HNRNPM: variants seen among roughly 807,000 people sequenced by gnomAD.
The protein encoded by HNRNPM is CEA receptor.
In HNRNPM, 11 loss-of-function variants were observed where a neutral mutation model predicts 73.1. The observed-to-expected ratio is 0.15, with a 90% confidence interval of 0.09 to 0.25. HNRNPM has a LOEUF of 0.25. Among genes scored for constraint, HNRNPM ranks in the 10% least tolerant of loss-of-function variants. The pLI, the probability that HNRNPM is intolerant of heterozygous loss-of-function variation, is 1.00. For synonymous variants in HNRNPM, 407 were observed against 355.2 expected (o/e 1.15, Z -1.64); for missense variants, 789 against 1,067.9 (o/e 0.74, Z 3.64).
At chr19:8,456,449 G>C (rs1048491474) in intron 2 of HNRNPM, among the ~76,000 whole-genome samples, 2 of 152,206 alleles carry the variant, frequency 1.3e-5, no homozygotes, top group Admixed American at 1.3e-4. Flanking sequence ...AGAACAATTT[G>C]TATATTGCCT....
intron 10 of HNRNPM, among the ~76,000 whole-genome samples, chr19:8,473,460 A>T (rs923276708): frequency 3.1e-5 from 4 of 127,674 alleles, no homozygotes; most frequent in Non-Finnish European, 3.5e-5. Flanking sequence ...TACTGTGTTT[A>T]AAAAAAAAAA....
At chr19:8,475,302 T>C (rs1247898207) in intron 12 of HNRNPM, among the ~76,000 whole-genome samples, 1 of 152,190 alleles carries the variant, frequency 6.6e-6, no homozygotes, top group African/African-American at 2.4e-5. Context: ...GGCTGTAGAG[T>C]GTGCATGAGA....
intron 12 of HNRNPM, among the ~76,000 whole-genome samples, chr19:8,476,747 G>A (rs1201734928): frequency 6.6e-6 from 1 of 152,192 alleles, no homozygotes; most frequent in African/African-American, 2.4e-5. Context: ...GCTGATGCCA[G>A]CCTGTGGCAT....
intron 5 of HNRNPM, among the ~76,000 whole-genome samples, chr19:8,464,985 G>C (rs1472944758): frequency 6.6e-6 from 1 of 152,314 alleles, no homozygotes; most frequent in East Asian, 1.9e-4. Context: ...GTAAGATTCA[G>C]CTATACCAAG....
At chr19:8,458,759 G>A (rs1211203468) in intron 2 of HNRNPM, among the ~76,000 whole-genome samples, 1 of 152,198 alleles carries the variant, frequency 6.6e-6, no homozygotes, top group East Asian at 1.9e-4. Context: ...AATTGCATCT[G>A]ACAGAAAACT....
At chr19:8,469,179 G>C (rs1362174075) in intron 9 of HNRNPM, among the ~76,000 whole-genome samples, 1 of 152,204 alleles carries the variant, frequency 6.6e-6, no homozygotes. Flanking sequence ...ATGTGGGCTA[G>C]CAGTGCACAC....
At chr19:8,481,380 G>C (rs568285103) in intron 12 of HNRNPM, 1 of 153,138 alleles carries the variant, frequency 6.5e-6, no homozygotes, top group African/African-American at 2.4e-5. Flanking sequence ...GCAGGTGTGC[G>C]CAGATAGAGC....
intron 1 of HNRNPM, 197 bp downstream of exon 1, chr19:8,445,308 A>G (rs1968061047): frequency 4.6e-6 from 2 of 437,428 alleles, no homozygotes; most frequent in Non-Finnish European, 7.7e-6. Context: ...CGTCCCCTAC[A>G]CCGGGCCTCG....
At chr19:8,455,325 C>T in intron 1 of HNRNPM, 80 bp from the exon 2 acceptor site, 1 of 1,249,214 alleles carries the variant, frequency 8.0e-7, no homozygotes, top group East Asian at 2.3e-5. Context: ...GAATTGTAAA[C>T]CTGGCAAATC....
At chr19:8,477,621 C>T (rs1214620098) in intron 12 of HNRNPM, among the ~76,000 whole-genome samples, 1 of 145,392 alleles carries the variant, frequency 6.9e-6, no homozygotes, top group African/African-American at 2.7e-5. Flanking sequence ...CACTGCATTC[C>T]AGCTTGGGAG....
At chr19:8,449,077 A>G (rs1043471138) in intron 1 of HNRNPM, among the ~76,000 whole-genome samples, 2 of 152,204 alleles carry the variant, frequency 1.3e-5, no homozygotes, top group Admixed American at 1.3e-4. Context: ...TCTCTATACA[A>G]TGCATTTGAG....
chr19:8,452,938 T>C (rs1968731876), intron 1 of HNRNPM, among the ~76,000 whole-genome samples: 2 of 152,114 alleles, frequency 1.3e-5, no homozygotes, highest in Admixed American at 6.5e-5. Flanking sequence ...CCTCCTGGAC[T>C]GGAGCCATCC....
At chr19:8,481,139 C>A (rs1327244795) in intron 12 of HNRNPM, among the ~76,000 whole-genome samples, 7 of 152,210 alleles carry the variant, frequency 4.6e-5, no homozygotes. Flanking sequence ...TAGATCTTTG[C>A]ACTCCTTTGT....
Position 8,486,261 on chromosome 19 carries a change from G to C in HNRNPM, c.1833G>C (p.Met611Ile). Residue 611 changes from methionine (M) to isoleucine (I), a missense_variant, in exon 14 of 16, where the codon ATG (methionine) becomes ATC (isoleucine). Around this residue, in one of 4 missense-constraint regions of HNRNPM, gnomAD observed 604 missense variants for 744.0 expected, o/e 0.81. Coordinates refer to ENST00000325495, the MANE Select transcript of HNRNPM (RefSeq NM_005968.5). ...GCATTGAGCGCATGGGCCTGGCCAT[G>C]GGTGGCGGTGGCGGTGCCAGCTTTG... ...GAGIERMGLA[M>I]GGGGGASFDR... is the part of the protein sequence containing the mutation. 1 of 1,602,580 alleles carries C rather than the reference G, an allele frequency of 6.2e-7. No homozygotes were observed. The highest frequency in any genetic ancestry group is 8.5e-7 in the Non-Finnish European group (1 of 1,179,816).
chr19:8,455,372 C>A, intron 1 of HNRNPM, 33 bp from the exon 2 acceptor site: 2 of 1,576,554 alleles, frequency 1.3e-6, no homozygotes, highest in Non-Finnish European at 8.7e-7. Flanking sequence ...ACATATAAAC[C>A]CTTTACCTTT....
chr19:8,479,460 C>G (rs1361991149), intron 12 of HNRNPM, among the ~76,000 whole-genome samples: 1 of 152,164 alleles, frequency 6.6e-6, no homozygotes, highest in South Asian at 2.1e-4. Context: ...CATCCTTCAG[C>G]TCATCAGAGG....
intron 12 of HNRNPM, among the ~76,000 whole-genome samples, chr19:8,474,903 C>T (rs1010213177): frequency 3.9e-5 from 6 of 151,998 alleles, no homozygotes; most frequent in African/African-American, 1.2e-4. Context: ...TTAGTAGAGT[C>T]GGAGTTTCAC....
intron 6 of HNRNPM, 125 bp from the exon 7 acceptor site, chr19:8,466,110 T>C: frequency 2.3e-6 from 2 of 885,626 alleles, no homozygotes; most frequent in South Asian, 3.4e-5. Flanking sequence ...TGCAGTTGAT[T>C]AGTTTTTGTG....
At chr19:8,467,136 A>G (rs1969812186) in intron 7 of HNRNPM, among the ~76,000 whole-genome samples, 1 of 152,054 alleles carries the variant, frequency 6.6e-6, no homozygotes, top group South Asian at 2.1e-4. Flanking sequence ...CTTGGAGAGT[A>G]CCCCACAGGA....
Sources: gnomAD v4.1 joint callset for allele counts (sites outside exome capture counted in the v4.1 genomes callset) on GRCh38, gnomAD v4.1.1 for gene constraint, gnomAD v4.1.1 regional missense constraint, MANE v1.5 for transcripts, NCBI Gene and HGNC (gene_info 2026-07-23, HGNC 2026-07-21) for gene names.